TYK2: variants seen among roughly 807,000 people sequenced by gnomAD.
TYK2 encodes the protein non-receptor tyrosine-protein kinase TYK2.
TYK2 carries 65 observed loss-of-function variants against 130.9 expected under a neutral mutation model. The ratio of observed to expected loss-of-function variants is 0.50; its 90% CI spans 0.41 to 0.61. The LOEUF is 0.61. TYK2 is among the 20% of genes least tolerant of loss of function. TYK2 has a pLI of 0.00. For missense variants in TYK2, 1,378 were observed against 1,610.7 expected (o/e 0.86, Z 2.47); for synonymous variants, 647 against 658.9 (o/e 0.98, Z 0.28).
At chr19:10,378,090 ATGGATGGATGAGTGGG>A (rs2042236569) in intron 3 of TYK2, 108 bp downstream of exon 3, 2 of 886,290 alleles carry the variant, frequency 2.3e-6, no homozygotes, top group Non-Finnish European at 3.3e-6. Flanking sequence ...GGATGGATGG[ATGGATGGATGAGTGGG>A]TGGATGGGTG....
At chr19:10,358,931 C>T (rs1348351764) in intron 15 of TYK2, among the ~76,000 whole-genome samples, 1 of 152,100 alleles carries the variant, frequency 6.6e-6, no homozygotes, top group Non-Finnish European at 1.5e-5. Context: ...GGCGTGATGG[C>T]AGGAGCCTAT....
At chr19:10,380,145 C>G (rs1478674650) in intron 1 of TYK2, among the ~76,000 whole-genome samples, 2 of 152,232 alleles carry the variant, frequency 1.3e-5, no homozygotes, top group Admixed American at 6.5e-5. Flanking sequence ...ACAGTAAGCG[C>G]TTAATTAGCC....
chr19:10,354,116 T>C lies in TYK2; in HGVS notation c.2834A>G (p.Lys945Arg), dbSNP rs1384603186. Reference sequence around the variant, plus strand: ...CGTGCGCAGAATGTCAATCTCCTGCTTCCAGCCCGAGCGGTGCTGGGGGCC... The same window carrying C: ...CGTGCGCAGAATGTCAATCTCCTGCCTCCAGCCCGAGCGGTGCTGGGGGCC... ...DCGPQHRSGW[K>R]QEIDILRTLY... The change falls in exon 20 of 25, where the codon AAG becomes AGG. Residue 945 changes from lysine to arginine, a missense_variant. Lys to Arg is a conservative substitution (Grantham distance 26, BLOSUM62 2). Coordinates refer to ENST00000525621, the MANE Select transcript of TYK2 (RefSeq NM_003331.5). 1.2e-6 allele frequency: 2 copies of C among 1,614,122 alleles called. No homozygotes were observed. Among genetic ancestry groups the C allele is most frequent in the Admixed American group, 3.3e-5 (2 of 60,028 alleles).
chr19:10,378,563 A>C (rs2042253391), intron 2 of TYK2, 137 bp from the exon 3 acceptor site: 3 of 687,612 alleles, frequency 4.4e-6, no homozygotes, highest in Non-Finnish European at 7.5e-6. Flanking sequence ...TAGAGACCCG[A>C]TTCCCTCTCT....
chr19:10,353,776 C>G lies in TYK2; in HGVS notation c.2909-130G>C. On this transcript the variant is annotated intron_variant, in intron 20 of 24. Coordinates refer to ENST00000525621, the MANE Select transcript of TYK2 (RefSeq NM_003331.5). This position sits in a 1 kb window ranked among gnomAD's most constrained non-coding sequence, Gnocchi z 6.9. ...AGACCCGCGCACACTAGACCCAGTTCTCAGGTGGGATGGACCCATCCAGAA... is the reference window on the plus strand; with the variant it reads ...AGACCCGCGCACACTAGACCCAGTTGTCAGGTGGGATGGACCCATCCAGAA... 1 of 727,384 alleles carries G rather than the reference C, an allele frequency of 1.4e-6. No individual in the cohort carries two copies. The highest frequency in any genetic ancestry group is 2.2e-6 in the Non-Finnish European group (1 of 451,206). 45.1% of individuals were successfully genotyped at this position (727,384 alleles called of 1,614,324 possible).
Position 10,368,341 on chromosome 19 carries a change from G to A in TYK2, c.271C>T (p.Leu91=), listed in dbSNP as rs763334323. Residue 91 remains leucine, a synonymous_variant, in exon 4 of 25, where the codon CTA becomes TTA. Coordinates refer to ENST00000525621, the MANE Select transcript of TYK2 (RefSeq NM_003331.5). ...AQVWLPPNHI[L]EIPRDASLML... ...AGGCTTGCATCTCTGGGGATCTCTAGGATGTGGTTTGGGGGCAACCAGACT... is the reference window on the plus strand; with the variant it reads ...AGGCTTGCATCTCTGGGGATCTCTAAGATGTGGTTTGGGGGCAACCAGACT... The A allele has an allele frequency of 1.2e-6, 2 of 1,614,160 alleles. No homozygotes were observed. Among genetic ancestry groups the A allele is most frequent in the Non-Finnish European group, 1.7e-6 (2 of 1,180,028 alleles).
Position 10,361,608 on chromosome 19 carries a change from C to T in TYK2, c.1960-10G>A. On this transcript the variant is annotated splice_polypyrimidine_tract_variant and intron_variant, in intron 13 of 24. Coordinates refer to ENST00000525621, the MANE Select transcript of TYK2 (RefSeq NM_003331.5). The surrounding 1 kb of genome is among the most constrained non-coding windows in gnomAD (Gnocchi z 4.0). ...CTGTCTCGTAGAAGGCCTGTGGGGA[C>T]CGGGCAGGTCAGGTGGCTGCAAAGC... 6.5e-7 allele frequency: 1 copy of T among 1,548,938 alleles called. No individual in the cohort carries two copies. The highest frequency in any genetic ancestry group is 2.4e-5 in the East Asian group (1 of 41,112).
At chr19:10,365,093 C>T (rs765965862) in intron 7 of TYK2, 45 bp from the exon 8 acceptor site, 31 of 1,545,634 alleles carry the variant, frequency 2.0e-5, no homozygotes, top group Non-Finnish European at 2.3e-5. Flanking sequence ...GGGCAATGCC[C>T]GTTTATACCT....
chr19:10,352,060 T>C (rs1287611344), intron 23 of TYK2, among the ~76,000 whole-genome samples: 1 of 146,908 alleles, frequency 6.8e-6, no homozygotes, highest in Non-Finnish European at 1.5e-5. Context: ...TCCTTTCTTT[T>C]CTTTCTCTCT....
At chr19:10,370,725 A>G (rs1350269166) in intron 3 of TYK2, among the ~76,000 whole-genome samples, 1 of 149,410 alleles carries the variant, frequency 6.7e-6, no homozygotes, top group Non-Finnish European at 1.5e-5. Context: ...GGCTGAGGCA[A>G]GAGAATTGCT....
Position 10,364,972 on chromosome 19 carries a change from C to G in TYK2, c.1088G>C (p.Gly363Ala). ...CTCCCGCGGCCTGTCTGCCGGCTGG[C>G]CGACTGCCTTGTGAGCCTTGGCCTT... The part of the protein sequence containing the change: ...GKKAKAHKAV[G>A]QPADRPREPL... The change falls in exon 8 of 25, where the codon GGC becomes GCC. Residue 363 changes from glycine to alanine, a missense_variant. Physicochemically the swap from Gly to Ala is moderately conservative, Grantham distance 60. Coordinates refer to ENST00000525621, the MANE Select transcript of TYK2 (RefSeq NM_003331.5). This position sits in a 1 kb window ranked among gnomAD's most constrained non-coding sequence, Gnocchi z 4.9. 1 of 1,614,010 alleles carries G rather than the reference C, an allele frequency of 6.2e-7. No individual in the cohort carries two copies. Among genetic ancestry groups the G allele is most frequent in the Non-Finnish European group, 8.5e-7 (1 of 1,180,018 alleles).
rs1399026965 is a variant in TYK2, at chr19:10,353,956, AGGCCAGACTGGCCCCGCCCACAAG to A, written c.2908+62_2908+85del. On this transcript the variant is annotated intron_variant, in intron 20 of 24. Transcript: ENST00000525621. The surrounding 1 kb of genome is among the most constrained non-coding windows in gnomAD (Gnocchi z 6.9). ...TGGGGTTGAGAGTCTCTAATTGGCT[AGGCCAGACTGGCCCCGCCCACAAG>A]GCCACACCCACGCTCTAACCACGCC... The A allele has an allele frequency of 1.4e-6, 2 of 1,404,598 alleles. No individual in the cohort carries two copies. The highest frequency in any genetic ancestry group is 4.6e-5 in the East Asian group (2 of 43,186). 87.0% of individuals were successfully genotyped at this position (1,404,598 alleles called of 1,614,324 possible).
chr19:10,361,292 A>C lies in TYK2; in HGVS notation c.2047+219T>G. ...TGGGGGTTGAGACTGAGGGCAGGTG[A>C]GGGTCGACGTGTTGGGATGTAAGTT... is the stretch of plus-strand genomic sequence containing the variant. On this transcript the variant is annotated intron_variant, in intron 14 of 24. Coordinates refer to ENST00000525621, the MANE Select transcript of TYK2 (RefSeq NM_003331.5). This position sits in a 1 kb window ranked among gnomAD's most constrained non-coding sequence, Gnocchi z 4.0. 1.6e-6 allele frequency: 1 copy of C among 624,886 alleles called. No individual in the cohort carries two copies. The highest frequency in any genetic ancestry group is 2.9e-6 in the Non-Finnish European group (1 of 343,352). The allele number at this position is 624,886 out of a possible 1,614,324, so 38.7% of individuals were successfully genotyped here. A position where few individuals can be genotyped will look rare whatever the true frequency, so the allele number is the denominator to read the frequency against.
At chr19:10,373,164 G>A (rs180797860) in intron 3 of TYK2, among the ~76,000 whole-genome samples, 151 of 151,228 alleles carry the variant, frequency 1.0e-3, no homozygotes, top group Middle Eastern at 3.4e-3. Context: ...AGCCTCCTGA[G>A]TAGCTGGGAT....
In TYK2 at chr19:10,366,563, C is replaced by A; in HGVS notation, c.483G>T (p.Val161=). The change falls in exon 6 of 25, where the codon GTG becomes GTT. Residue 161 remains valine (V), a synonymous_variant. Transcript: ENST00000525621. Reference sequence around the variant, plus strand: ...GCTCCCACAGTGATGCCACGTCATTCACAAACTCATGCTTGCCCTGGGAAC... The same window carrying A: ...GCTCCCACAGTGATGCCACGTCATTAACAAACTCATGCTTGCCCTGGGAAC... The part of the protein sequence containing the change: ...YLFEQGKHEF[V]NDVASLWELS... The A allele has an allele frequency of 6.2e-7, 1 of 1,613,982 alleles. No individual in the cohort carries two copies. Among genetic ancestry groups the A allele is most frequent in the Non-Finnish European group, 8.5e-7 (1 of 1,179,992 alleles).
chr19:10,359,190 G>A lies in TYK2; in HGVS notation c.2160C>T (p.Ser720=), dbSNP rs762885974. The change falls in exon 15 of 25, where the codon AGC becomes AGT. Residue 720 remains serine (S), a synonymous_variant. Coordinates refer to ENST00000525621, the MANE Select transcript of TYK2 (RefSeq NM_003331.5). ...WKMVVAQQLA[S]ALSYLENKNL... ...GGCCACACACCAGGTAGCTGAGGGC[G>A]CTGGCCAGCTGCTGGGCCACCACCA... The A allele has an allele frequency of 1.2e-5, 20 of 1,603,798 alleles. No homozygotes were observed. The highest frequency in any genetic ancestry group is 3.3e-5 in the South Asian group (3 of 90,980).
chr19:10,371,685 C>T (rs1213753287), intron 3 of TYK2, among the ~76,000 whole-genome samples: 5 of 151,980 alleles, frequency 3.3e-5, no homozygotes, highest in African/African-American at 4.8e-5. Flanking sequence ...ATACTGCAGA[C>T]GTCCCTCTGC....
In TYK2 at chr19:10,365,038, C is replaced by T; in HGVS notation, c.1022G>A (p.Gly341Asp). Reference protein sequence around the residue: ...EEVNKEEGSSGSSGRNPQASL... With the variant: ...EEVNKEEGSSDSSGRNPQASL... ...GGCTTGGGGGTTCCTGCCACTGCTG[C>T]CACTAGAACCCTGAACACCCAGCAA... The change falls in exon 8 of 25, where the codon GGC (glycine) becomes GAC (aspartate). Residue 341 changes from glycine (G) to aspartate (D), a missense_variant. By Grantham distance (94) the Gly-to-Asp change is moderately conservative. Transcript: ENST00000525621. 6.2e-7 allele frequency: 1 copy of T among 1,606,742 alleles called. No homozygotes were observed. Among genetic ancestry groups the T allele is most frequent in the African/African-American group, 1.3e-5 (1 of 74,966 alleles).
In TYK2 at chr19:10,350,812, C is replaced by G. The variant is rs943949195; in HGVS notation, c.*22G>C. ...CAGCCACTGCCTGGTCCAGTCCTCC[C>G]AGGCAGGGCTGCCATTGTGCCTCAG... On this transcript the variant is annotated 3_prime_UTR_variant, in exon 25 of 25. Transcript: ENST00000525621. 6 of 1,612,202 alleles carry G rather than the reference C, an allele frequency of 3.7e-6. No homozygotes were observed. In the African/African-American group the frequency reaches 6.7e-5, roughly 18 times the overall value.
Sources: allele counts gnomAD v4.1 joint callset (sites outside exome capture counted in the v4.1 genomes callset), GRCh38; gene constraint gnomAD v4.1.1; non-coding constraint Gnocchi (gnomAD v3.1); transcripts MANE v1.5; gene names NCBI Gene and HGNC (gene_info 2026-07-23, HGNC 2026-07-21).